SNX24: variants seen among roughly 807,000 people sequenced by gnomAD.
SNX24 encodes the protein sorting nexin-24.
SNX24 carries 22 observed loss-of-function variants against 28.7 expected under a neutral mutation model. That is an observed-to-expected ratio of 0.77 (90% confidence interval 0.55 to 1.10). The LOEUF (loss-of-function observed/expected upper bound fraction) is 1.10. Among genes scored for constraint, SNX24 ranks in the 50% least tolerant of loss-of-function variants. The probability of loss-of-function intolerance (pLI) is 0.00; values close to 1 mark genes in which losing one functional copy is unlikely to be tolerated. For missense variants in SNX24, 221 were observed against 201.1 expected (o/e 1.10, Z -0.60); for synonymous variants, 69 against 71.5 (o/e 0.96, Z 0.18).
intron 3 of SNX24, 117 bp from the exon 4 acceptor site, chr5:122,999,795 G>A: frequency 1.4e-6 from 1 of 723,176 alleles, no homozygotes; most frequent in East Asian, 2.5e-5. Context: ...TCTTGACTGT[G>A]AGGAATGTTG....
intron 1 of SNX24, among the ~76,000 whole-genome samples, chr5:122,883,726 T>C (rs1020945026): frequency 1.2e-4 from 19 of 152,256 alleles, no homozygotes; most frequent in Non-Finnish European, 1.5e-5. Context: ...TATAGCTCAC[T>C]GCAAGCTTGA....
At chr5:122,865,906 GAT>G (rs1755699068) in intron 1 of SNX24, among the ~76,000 whole-genome samples, 1 of 152,148 alleles carries the variant, frequency 6.6e-6, no homozygotes, top group African/African-American at 2.4e-5. Context: ...ATCCTTGAGT[GAT>G]GTTTACTCTT....
At chr5:122,913,472 G>T (rs1322002478) in intron 1 of SNX24, among the ~76,000 whole-genome samples, 1 of 152,000 alleles carries the variant, frequency 6.6e-6, no homozygotes, top group Non-Finnish European at 1.5e-5. Context: ...GGACGGGGTG[G>T]CTGCCTGGCG....
chr5:122,933,995 C>G (rs1021195033), intron 1 of SNX24, among the ~76,000 whole-genome samples: 1 of 151,880 alleles, frequency 6.6e-6, no homozygotes, highest in African/African-American at 2.4e-5. Flanking sequence ...ATTGGCCAGG[C>G]TTGTCTTGAA....
intron 3 of SNX24, among the ~76,000 whole-genome samples, chr5:122,948,339 C>T (rs901111254): frequency 1.3e-5 from 2 of 152,122 alleles, no homozygotes; most frequent in African/African-American, 2.4e-5. Flanking sequence ...CAGTCTGAAA[C>T]CCAGGGAGTG....
At chr5:122,931,878 C>T (rs780411003) in intron 1 of SNX24, among the ~76,000 whole-genome samples, 9 of 151,054 alleles carry the variant, frequency 6.0e-5, no homozygotes, top group Non-Finnish European at 1.3e-4. Flanking sequence ...CACTTTGTAA[C>T]GTATGAGCTT....
chr5:122,904,950 G>A (rs1268040807), intron 1 of SNX24, among the ~76,000 whole-genome samples: 1 of 152,192 alleles, frequency 6.6e-6, no homozygotes, highest in Middle Eastern at 3.2e-3. Context: ...ACCACACACA[G>A]TCAGCTTCTA....
chr5:122,908,824 T>C (rs1213669290), intron 1 of SNX24, among the ~76,000 whole-genome samples: 3 of 152,102 alleles, frequency 2.0e-5, no homozygotes, highest in Non-Finnish European at 4.4e-5. Flanking sequence ...CTCTGCTGAG[T>C]GAAAAAGCAA....
chr5:122,879,422 A>G (rs185992468), intron 1 of SNX24, among the ~76,000 whole-genome samples: 16 of 152,306 alleles, frequency 1.1e-4, no homozygotes, highest in Admixed American at 9.2e-4. Flanking sequence ...TACACTGTCA[A>G]CATGAGTTCT....
At chr5:123,004,583 A>G (rs1762357143) in intron 6 of SNX24, among the ~76,000 whole-genome samples, 1 of 152,056 alleles carries the variant, frequency 6.6e-6, no homozygotes. Context: ...CTGAGTCACA[A>G]TATTGTATCT....
intron 2 of SNX24, among the ~76,000 whole-genome samples, chr5:122,937,564 T>C (rs931629023): frequency 6.6e-6 from 1 of 152,192 alleles, no homozygotes; most frequent in African/African-American, 2.4e-5. Flanking sequence ...CCTCATGAAA[T>C]TGCCCAGAAA....
At position 123,008,774 on chromosome 5, in the gene SNX24, C is replaced by A; in HGVS notation, c.*1025C>A. The A allele has an allele frequency of 1.4e-6, 1 of 698,922 alleles. No individual in the cohort carries two copies. Among genetic ancestry groups the A allele is most frequent in the Non-Finnish European group, 1.8e-6 (1 of 568,526 alleles). 43.3% of individuals were successfully genotyped at this position (698,922 alleles called of 1,614,324 possible). Reference sequence around the variant, plus strand: ...CTTACGGCTTCCTTTTCACTGACCTCATTTGTTGAGTTAATGTAAGTTAAA... The same window carrying A: ...CTTACGGCTTCCTTTTCACTGACCTAATTTGTTGAGTTAATGTAAGTTAAA... On this transcript the variant is annotated 3_prime_UTR_variant, in exon 7 of 7. Transcript: ENST00000261369.
At chr5:122,964,213 C>T (rs1037043167) in intron 3 of SNX24, among the ~76,000 whole-genome samples, 4 of 144,890 alleles carry the variant, frequency 2.8e-5, no homozygotes, top group East Asian at 4.1e-4. Context: ...ATTGCACTCC[C>T]TCCAGCCTGG....
intron 1 of SNX24, among the ~76,000 whole-genome samples, chr5:122,862,786 G>A (rs6894200): frequency 0.028 from 4,235 of 151,718 alleles, 170 homozygotes; most frequent in African/African-American, 0.083. Flanking sequence ...ACACACTATT[G>A]GTGAGACTGA....
chr5:122,967,845 G>A (rs746796181), intron 3 of SNX24, among the ~76,000 whole-genome samples: 68 of 152,286 alleles, frequency 4.5e-4, no homozygotes, highest in Non-Finnish European at 8.1e-4. Context: ...TAAACCACGA[G>A]CTCACGTGAA....
intron 6 of SNX24, among the ~76,000 whole-genome samples, chr5:123,006,536 T>C: frequency 6.6e-6 from 1 of 152,226 alleles, no homozygotes; most frequent in Non-Finnish European, 1.5e-5. Flanking sequence ...CAGAATCATC[T>C]TTTTCAAAAC....
At chr5:122,877,117 A>T (rs764328088) in intron 1 of SNX24, among the ~76,000 whole-genome samples, 32 of 151,974 alleles carry the variant, frequency 2.1e-4, no homozygotes, top group Non-Finnish European at 4.1e-4. Flanking sequence ...GGCACTGGGG[A>T]GAGGAGGGCA....
chr5:122,985,119 C>G (rs549706540), intron 3 of SNX24, among the ~76,000 whole-genome samples: 16 of 152,232 alleles, frequency 1.1e-4, no homozygotes, highest in African/African-American at 3.6e-4. Context: ...TGAACAATGG[C>G]TTATTTTGTG....
At chr5:122,873,877 T>C (rs945275900) in intron 1 of SNX24, among the ~76,000 whole-genome samples, 1 of 150,548 alleles carries the variant, frequency 6.6e-6, no homozygotes, top group African/African-American at 2.4e-5. Context: ...GCGATTCTCC[T>C]GCCTCAGCCT....
Sources: allele counts gnomAD v4.1 joint callset (sites outside exome capture counted in the v4.1 genomes callset), GRCh38; gene constraint gnomAD v4.1.1; transcripts MANE v1.5; gene names NCBI Gene and HGNC (gene_info 2026-07-23, HGNC 2026-07-21).